Variants in MIB1 observed in about 807,000 individuals in gnomAD.
MIB1 encodes MIB E3 ubiquitin protein ligase 1.
MIB1 carries 278 observed loss-of-function variants against 124.5 expected under a neutral mutation model. That is an observed-to-expected ratio of 2.23 (90% confidence interval 2.02 to 2.47). The LOEUF (loss-of-function observed/expected upper bound fraction) is 2.47, where lower values mean the gene tolerates loss of function less well. Ranked by LOEUF, MIB1 falls within the 30% of genes most tolerant of loss-of-function variation. MIB1 has a pLI of 0.00. For missense variants in MIB1, 957 were observed against 1,254.4 expected, an observed-to-expected ratio of 0.76 and a Z score of 3.58; for synonymous variants, 446 against 429.4, an observed-to-expected ratio of 1.04 and a Z score of -0.48.
At position 21,865,360 on chromosome 18, in the gene MIB1, G is replaced by A. The variant is rs1265574123; in HGVS notation, c.*694G>A. The A allele has an allele frequency of 6.6e-6, 1 of 151,578 alleles. No individual in the cohort carries two copies. The highest frequency in any genetic ancestry group is 1.9e-4 in the East Asian group (1 of 5,186). The allele number at this position is 151,578 out of a possible 1,614,324, so 9.4% of individuals were successfully genotyped here. On this transcript the variant is annotated 3_prime_UTR_variant, in exon 21 of 21. Coordinates refer to ENST00000261537, the MANE Select transcript of MIB1 (RefSeq NM_020774.4). ...TCAAGGTGACTGATAGACAAGAAAA[G>A]GAAAAATAAGCAATAATAGTGGGCA...
intron 1 of MIB1, among the ~76,000 whole-genome samples, chr18:21,745,886 TG>T (rs1568184074): frequency 1.3e-5 from 2 of 152,060 alleles, no homozygotes; most frequent in Non-Finnish European, 2.9e-5. Flanking sequence ...TTTGTATTTT[TG>T]GTAGAGACGG....
intron 4 of MIB1, among the ~76,000 whole-genome samples, chr18:21,776,873 A>C (rs1029157100): frequency 2.6e-5 from 4 of 151,936 alleles, no homozygotes; most frequent in Non-Finnish European, 4.4e-5. Context: ...GCTACTGGGG[A>C]GGCAGAGGCA....
chr18:21,770,060 C>T (rs2041207944), intron 3 of MIB1, among the ~76,000 whole-genome samples: 1 of 152,050 alleles, frequency 6.6e-6, no homozygotes, highest in African/African-American at 2.4e-5. Context: ...AAAAATTAGC[C>T]AGGCATGGTG....
intron 1 of MIB1, chr18:21,705,172 T>C (rs968734998): frequency 2.0e-5 from 3 of 152,652 alleles, no homozygotes; most frequent in East Asian, 1.9e-4. Context: ...GCCAAAGATA[T>C]GTTAGCAGGT....
At chr18:21,724,926 A>G (rs1201550829) in intron 1 of MIB1, among the ~76,000 whole-genome samples, 2 of 146,520 alleles carry the variant, frequency 1.4e-5, no homozygotes, top group Non-Finnish European at 3.0e-5. Flanking sequence ...TCCTGTCTCT[A>G]CTAAAAAAAA....
At chr18:21,840,648 TATATATATATATATATA>T (rs1438807546) in intron 13 of MIB1, among the ~76,000 whole-genome samples, 179 of 2,096 alleles carry the variant, frequency 0.085, no homozygotes, top group South Asian at 0.19. Flanking sequence ...TATATATATA[TATATATATATATATATA>T]TTTTTTTTTT....
chr18:21,724,643 T>G (rs2040729348), intron 1 of MIB1, among the ~76,000 whole-genome samples: 2 of 141,424 alleles, frequency 1.4e-5, no homozygotes, highest in African/African-American at 5.3e-5. Context: ...GGGCGGAGGT[T>G]GCAGTGAGCT....
At chr18:21,731,141 A>G (rs1011863474) in intron 1 of MIB1, among the ~76,000 whole-genome samples, 1 of 152,156 alleles carries the variant, frequency 6.6e-6, no homozygotes, top group Non-Finnish European at 1.5e-5. Context: ...AAATACACTT[A>G]TCCTTCTGAA....
rs201349172 is a variant in MIB1, at chr18:21,838,487, T to A, written c.1952T>A (p.Leu651Ter). 1 of 1,600,738 alleles carries A rather than the reference T, an allele frequency of 6.2e-7. No homozygotes were observed. Among genetic ancestry groups the A allele is most frequent in the Admixed American group, 1.7e-5 (1 of 57,544 alleles). Residue 651 changes from leucine to a stop codon, truncating the protein, a stop_gained, in exon 13 of 21, where the codon TTG becomes TAG. Coordinates refer to ENST00000261537, the MANE Select transcript of MIB1 (RefSeq NM_020774.4). LOFTEE classifies it high-confidence loss of function. Reference sequence around the variant, plus strand: ...AATCACGTAGAAGTGGCTGAACTGTTGGTACATCAGGTAAGAAAAGAGTTA... The same window carrying A: ...AATCACGTAGAAGTGGCTGAACTGTAGGTACATCAGGTAAGAAAAGAGTTA... ...LNNHVEVAEL[L>*]VHQGNANLDI...
intron 12 of MIB1, among the ~76,000 whole-genome samples, chr18:21,835,785 AT>A (rs1434354477): frequency 0.077 from 8,681 of 112,310 alleles, 385 homozygotes; most frequent in African/African-American, 0.084. Context: ...AAAAAAAAAA[AT>A]ATATATATAT....
chr18:21,747,764 T>A (rs1030840100), intron 1 of MIB1, among the ~76,000 whole-genome samples: 1 of 152,232 alleles, frequency 6.6e-6, no homozygotes, highest in African/African-American at 2.4e-5. Flanking sequence ...TATTTCTTTT[T>A]GAATGTGTTC....
At chr18:21,813,243 T>C (rs776759399) in intron 10 of MIB1, among the ~76,000 whole-genome samples, 1 of 151,576 alleles carries the variant, frequency 6.6e-6, no homozygotes, top group Non-Finnish European at 1.5e-5. Flanking sequence ...AAAAAAAGAC[T>C]GGAAGTTAGG....
chr18:21,837,865 G>A lies in MIB1; in HGVS notation c.1830-500G>A, dbSNP rs1040342654. 2.6e-5 allele frequency among the ~76,000 whole-genome samples: 4 copies of A among 152,244 alleles called. No individual in the cohort carries two copies. The East Asian group carries it at 7.7e-4, about 29-fold the overall frequency. ...GCTAAGATGGTTCAGCATATATAGT[G>A]TATTAATTATCACAGTTTTTCCTAC... On this transcript the variant is annotated intron_variant, in intron 12 of 20. Coordinates refer to ENST00000261537, the MANE Select transcript of MIB1 (RefSeq NM_020774.4).
At chr18:21,787,899 G>C (rs2041455469) in intron 6 of MIB1, among the ~76,000 whole-genome samples, 1 of 151,574 alleles carries the variant, frequency 6.6e-6, no homozygotes, top group Non-Finnish European at 1.5e-5. Context: ...CCTCACTTAT[G>C]TACCTTTTAA....
At chr18:21,799,030 G>A (rs927544300) in intron 8 of MIB1, among the ~76,000 whole-genome samples, 3 of 151,832 alleles carry the variant, frequency 2.0e-5, no homozygotes, top group Non-Finnish European at 2.9e-5. Context: ...TTTTTACCTT[G>A]AGGTTAAATG....
chr18:21,728,557 C>T (rs912166996), intron 1 of MIB1, among the ~76,000 whole-genome samples: 6 of 152,204 alleles, frequency 3.9e-5, no homozygotes, highest in Non-Finnish European at 8.8e-5. Context: ...CACCCGTTCT[C>T]CACATCATCA....
chr18:21,811,916 C>T (rs2041778241), intron 10 of MIB1, among the ~76,000 whole-genome samples: 1 of 151,982 alleles, frequency 6.6e-6, no homozygotes, highest in Admixed American at 6.6e-5. Context: ...ATTAAAAAAT[C>T]ATGATGGTTA....
In MIB1 at chr18:21,849,220, TTC is replaced by T; in HGVS notation, c.2420_2421del (p.Ser807TyrfsTer3). 2 of 1,586,878 alleles carry T rather than the reference TTC, an allele frequency of 1.3e-6. No homozygotes were observed. The highest frequency in any genetic ancestry group is 1.2e-5 in the South Asian group (1 of 85,902). ...GTGGTCAAGTGGGTTCTCGGAGTCCTTCTATGATTAGTAATGATTCTGAAACC... is the reference window on the plus strand; with the variant it reads ...GTGGTCAAGTGGGTTCTCGGAGTCCTTATGATTAGTAATGATTCTGAAACC... ...VSGQVGSRSPSMISNDSETLE... is the reference protein window; with the variant it reads ...VSGQVGSRSPXMISNDSETLE... On this transcript the variant is annotated frameshift_variant, in exon 17 of 21. Transcript: ENST00000261537. LOFTEE classifies it high-confidence loss of function.
chr18:21,815,141 A>G (rs2041818476), intron 10 of MIB1, among the ~76,000 whole-genome samples: 1 of 148,284 alleles, frequency 6.7e-6, no homozygotes, highest in Non-Finnish European at 1.5e-5. Flanking sequence ...TTTGGGAGTT[A>G]GTCACTGTTC....
Sources: allele counts gnomAD v4.1 joint callset (sites outside exome capture counted in the v4.1 genomes callset), GRCh38; gene constraint gnomAD v4.1.1; transcripts MANE v1.5; gene names NCBI Gene and HGNC (gene_info 2026-07-23, HGNC 2026-07-21).